The following TRPC6 variants were observed in gnomAD, a reference collection of about 807,000 sequenced individuals.
The protein encoded by TRPC6 is transient receptor potential cation channel subfamily C member 6.
Under a neutral mutation model 90.7 loss-of-function variants are expected in TRPC6, and 55 were observed. The observed-to-expected ratio is 0.61, with a 90% CI of 0.49 to 0.76. The LOEUF (loss-of-function observed/expected upper bound fraction) is 0.76, where lower values mean the gene tolerates loss of function less well. TRPC6 is among the 30% of genes least tolerant of loss of function. TRPC6 has a pLI of 0.00. For missense variants in TRPC6, 989 were observed against 1,122.7 expected, an observed-to-expected ratio of 0.88 and a Z score of 1.70; for synonymous variants, 393 against 393.0, an observed-to-expected ratio of 1.00 and a Z score of 0.00.
At chr11:101,549,348 T>C (rs1284881279) in intron 1 of TRPC6, among the ~76,000 whole-genome samples, 1 of 151,520 alleles carries the variant, frequency 6.6e-6, no homozygotes, top group Admixed American at 6.6e-5. Context: ...TAATTATTTA[T>C]ATCCACACCT....
intron 3 of TRPC6, 67 bp downstream of exon 3, chr11:101,491,488 AC>A: frequency 6.3e-7 from 1 of 1,581,238 alleles, no homozygotes; most frequent in Non-Finnish European, 8.7e-7. Flanking sequence ...AACAATATCA[AC>A]CCTTTATCCT....
intron 1 of TRPC6, among the ~76,000 whole-genome samples, chr11:101,538,406 C>T (rs951310833): frequency 5.9e-5 from 9 of 152,132 alleles, no homozygotes; most frequent in South Asian, 2.1e-4. Flanking sequence ...CATTTTTGTA[C>T]GGCAGTTTTG....
At chr11:101,528,047 T>C (rs11224818) in intron 1 of TRPC6, among the ~76,000 whole-genome samples, 117,092 of 151,982 alleles carry the variant, frequency 0.77, 45,402 homozygotes, top group East Asian at 1. Flanking sequence ...CACTCCAGCC[T>C]AGGTGACAGA....
At chr11:101,535,828 G>A (rs1359976897) in intron 1 of TRPC6, among the ~76,000 whole-genome samples, 1 of 152,138 alleles carries the variant, frequency 6.6e-6, no homozygotes, top group Admixed American at 6.5e-5. Context: ...TAGAATGTGA[G>A]AATATCCTTT....
chr11:101,562,292 G>C (rs1015404736), intron 1 of TRPC6, among the ~76,000 whole-genome samples: 5 of 152,130 alleles, frequency 3.3e-5, no homozygotes, highest in African/African-American at 1.2e-4. Flanking sequence ...CTCAATTTCA[G>C]TGGGACTTGC....
At chr11:101,581,539 A>T (rs1252622299) in intron 1 of TRPC6, among the ~76,000 whole-genome samples, 3 of 152,234 alleles carry the variant, frequency 2.0e-5, no homozygotes, top group Non-Finnish European at 4.4e-5. Context: ...ATTTTTAAAA[A>T]GCCGTATAAA....
intron 1 of TRPC6, among the ~76,000 whole-genome samples, chr11:101,550,724 AATACACACAAC>A (rs1376062821): frequency 1.1e-4 from 16 of 151,802 alleles, no homozygotes; most frequent in Non-Finnish European, 2.1e-4. Flanking sequence ...TTAAGTAAAA[AATACACACAAC>A]ATGGAGAGTA....
intron 1 of TRPC6, chr11:101,519,754 A>T (rs1860609820): frequency 6.5e-6 from 1 of 154,274 alleles, no homozygotes; most frequent in Admixed American, 6.6e-5. Flanking sequence ...CTACCACCCC[A>T]GTCCAGGCAT....
chr11:101,489,355 A>T (rs1859750321), intron 3 of TRPC6, among the ~76,000 whole-genome samples: 1 of 148,394 alleles, frequency 6.7e-6, no homozygotes, highest in African/African-American at 2.6e-5. Flanking sequence ...GCACAGAAAA[A>T]ATTTTAATTG....
chr11:101,548,369 A>T (rs1415340304), intron 1 of TRPC6, among the ~76,000 whole-genome samples: 1 of 119,258 alleles, frequency 8.4e-6, no homozygotes, highest in African/African-American at 2.7e-5. Context: ...ATATCTTATA[A>T]TTATAATATA....
intron 1 of TRPC6, among the ~76,000 whole-genome samples, chr11:101,550,631 G>T (rs754462114): frequency 2.0e-5 from 3 of 151,494 alleles, no homozygotes; most frequent in Non-Finnish European, 4.4e-5. Flanking sequence ...AGGATAAAGG[G>T]CAATTGAATA....
intron 1 of TRPC6, among the ~76,000 whole-genome samples, chr11:101,512,211 C>T (rs1333203183): frequency 1.3e-5 from 2 of 152,202 alleles, no homozygotes; most frequent in East Asian, 1.9e-4. Context: ...TCTTCAAATA[C>T]TAACTTTCTG....
chr11:101,539,743 T>C (rs944248533), intron 1 of TRPC6, among the ~76,000 whole-genome samples: 1 of 152,212 alleles, frequency 6.6e-6, no homozygotes, highest in Non-Finnish European at 1.5e-5. Flanking sequence ...CATATTTCAA[T>C]CTTCTAATGG....
In TRPC6 at chr11:101,507,330, A is replaced by AT. The variant is rs144965095; in HGVS notation, c.171-2533dup. 6.3e-3 allele frequency among the ~76,000 whole-genome samples: 913 copies of AT among 145,804 alleles called. 10 individuals are homozygous for AT. The highest frequency in any genetic ancestry group is 0.047 in the South Asian group (219 of 4,654). ...AATACATTCTACATATTAAGTGGGT[A>AT]TTTTTTTTTTTCAATTTTGGAAAAT... is the stretch of plus-strand genomic sequence containing the variant. On this transcript the variant is annotated intron_variant, in intron 1 of 12. Coordinates refer to ENST00000344327, the MANE Select transcript of TRPC6 (RefSeq NM_004621.6).
In TRPC6 at chr11:101,481,591, C is replaced by T. The variant is rs561950228; in HGVS notation, c.1510+1358G>A. Reference sequence around the variant, plus strand: ...GAGACTGTAGTCACTACCTGCTGATCCAAGGCAGAATCCACAGCTCTCCCT... The same window carrying T: ...GAGACTGTAGTCACTACCTGCTGATTCAAGGCAGAATCCACAGCTCTCCCT... On this transcript the variant is annotated intron_variant, in intron 5 of 12. Coordinates refer to ENST00000344327, the MANE Select transcript of TRPC6 (RefSeq NM_004621.6). Among the ~76,000 whole-genome samples the T allele has an allele frequency of 2.0e-5, 3 of 152,232 alleles. No individual in the cohort carries two copies. In the South Asian group the frequency reaches 6.2e-4, roughly 32 times the overall value.
intron 1 of TRPC6, among the ~76,000 whole-genome samples, chr11:101,548,333 G>GAAATA (rs1861362939): frequency 1.0e-5 from 1 of 97,584 alleles, no homozygotes; most frequent in South Asian, 4.3e-4. Flanking sequence ...ATATATAATT[G>GAAATA]AAATACAATA....
intron 12 of TRPC6, 91 bp downstream of exon 12, chr11:101,453,559 G>A: frequency 1.7e-6 from 2 of 1,209,928 alleles, no homozygotes; most frequent in Non-Finnish European, 2.5e-6. Context: ...CACTCTCCCT[G>A]TACGCATCTC....
chr11:101,555,970 C>A (rs945582728), intron 1 of TRPC6, among the ~76,000 whole-genome samples: 2 of 152,054 alleles, frequency 1.3e-5, no homozygotes, highest in African/African-American at 4.8e-5. Flanking sequence ...CCTGAGCAAC[C>A]AATGGGTGAA....
chr11:101,510,232 T>TAA (rs1248080871), intron 1 of TRPC6, among the ~76,000 whole-genome samples: 2 of 152,152 alleles, frequency 1.3e-5, no homozygotes, highest in African/African-American at 4.8e-5. Flanking sequence ...AACAACTTTT[T>TAA]AAGTAACAGA....
Sources: gnomAD v4.1 joint callset for allele counts (sites outside exome capture counted in the v4.1 genomes callset) on GRCh38, gnomAD v4.1.1 for gene constraint, MANE v1.5 for transcripts, NCBI Gene and HGNC (gene_info 2026-07-23, HGNC 2026-07-21) for gene names.